The following AACS variants were observed in gnomAD, a reference collection of about 807,000 sequenced individuals.
The protein encoded by AACS is acetoacetate-CoA ligase.
In AACS, 69 loss-of-function variants were observed where a neutral mutation model predicts 83.1. That is an observed-to-expected ratio of 0.83 (90% CI 0.68 to 1.01). AACS has a LOEUF of 1.01. Ranked by LOEUF, AACS falls within the 50% of genes least tolerant of loss-of-function variation. The pLI is 0.00. For synonymous variants in AACS, 333 were observed against 343.4 expected (o/e 0.97, Z 0.33); for missense variants, 866 against 882.2 (o/e 0.98, Z 0.23).
chr12:125,128,877 G>A (rs1270317119), intron 13 of AACS: 1 of 154,528 alleles, frequency 6.5e-6, no homozygotes, highest in Non-Finnish European at 1.4e-5. Flanking sequence ...TTGAGAGGAA[G>A]AAACTCTGTG....
At chr12:125,116,754 C>T (rs759011856) in intron 9 of AACS, among the ~76,000 whole-genome samples, 43 of 152,124 alleles carry the variant, frequency 2.8e-4, no homozygotes, top group African/African-American at 9.4e-4. Context: ...CATGAGCCAC[C>T]GCGCCCGGCC....
rs764519987 is a variant in AACS at position 125,091,429 on chromosome 12, A to C, written c.476A>C (p.Tyr159Ser). The C allele has an allele frequency of 7.4e-6, 12 of 1,614,034 alleles. No homozygotes were observed. The African/African-American group carries it at 1.6e-4, about 22-fold the overall frequency. ...TCTTCCTATGTTTTCTCCACAGGTTATTTACCCAACAGTGAGCACGCTGTC... is the reference window on the plus strand; with the variant it reads ...TCTTCCTATGTTTTCTCCACAGGTTCTTTACCCAACAGTGAGCACGCTGTC... ...GVKKGDRVVG[Y>S]LPNSEHAVEA... The change falls in exon 5 of 18, where the codon TAT becomes TCT. Residue 159 changes from tyrosine to serine, a missense_variant. Tyr to Ser is a moderately radical substitution (Grantham distance 144, BLOSUM62 -2). Transcript: ENST00000316519.
chr12:125,134,537 A>G (rs1041263303), intron 15 of AACS, among the ~76,000 whole-genome samples: 6 of 152,140 alleles, frequency 3.9e-5, no homozygotes, highest in Non-Finnish European at 7.4e-5. Flanking sequence ...AGCAGTGTCC[A>G]CACCTGCAAT....
intron 10 of AACS, among the ~76,000 whole-genome samples, chr12:125,119,687 C>T (rs1295166877): frequency 6.6e-6 from 1 of 152,198 alleles, no homozygotes; most frequent in Non-Finnish European, 1.5e-5. Context: ...CCCACTGGGT[C>T]CCTCGTACGA....
rs543028235 is a variant in AACS at position 125,134,105 on chromosome 12, G to C, written c.1619+33G>C. On this transcript the variant is annotated intron_variant, in intron 15 of 17. Transcript: ENST00000316519. The stretch of plus-strand genomic sequence containing the variant: ...CTGCAGAGTCGGCTTCTCTTTCCTG[G>C]AGCCCCACCTTCCAGAGGCATGGGG... 1.7e-4 allele frequency: 277 copies of C among 1,607,532 alleles called. 2 individuals carry two copies. The South Asian group carries it at 2.9e-3, about 17-fold the overall frequency.
chr12:125,096,141 T>G (rs1012829521), intron 5 of AACS, among the ~76,000 whole-genome samples: 6 of 152,178 alleles, frequency 3.9e-5, no homozygotes, highest in Non-Finnish European at 8.8e-5. Flanking sequence ...ATTTTTTGTA[T>G]TTTTAGTAGA....
intron 15 of AACS, 57 bp downstream of exon 15, chr12:125,134,129 G>A: frequency 6.4e-7 from 1 of 1,571,156 alleles, no homozygotes; most frequent in Non-Finnish European, 8.7e-7. Flanking sequence ...AGAGGCATGG[G>A]GGTGGGAGAG....
chr12:125,104,272 G>T (rs1001951419), intron 7 of AACS, among the ~76,000 whole-genome samples: 4 of 152,184 alleles, frequency 2.6e-5, no homozygotes, highest in African/African-American at 9.6e-5. Context: ...TGTAAACATG[G>T]CAGGGTGTCT....
chr12:125,070,402 G>A (rs1012963690), intron 1 of AACS, among the ~76,000 whole-genome samples: 1 of 152,144 alleles, frequency 6.6e-6, no homozygotes, highest in South Asian at 2.1e-4. Context: ...GGGCAGCAGG[G>A]GCAAGAGGAT....
chr12:125,099,534 C>T (rs565169575), intron 5 of AACS, among the ~76,000 whole-genome samples: 3 of 152,302 alleles, frequency 2.0e-5, no homozygotes, highest in South Asian at 4.1e-4. Flanking sequence ...CATGCTTCAG[C>T]TTAGTCACCT....
intron 8 of AACS, 100 bp downstream of exon 8, chr12:125,107,368 C>G: frequency 6.8e-7 from 1 of 1,476,226 alleles, no homozygotes; most frequent in East Asian, 2.3e-5. Context: ...TCAAACTGCA[C>G]CCCATCCCCG....
rs1956997204 is a variant in AACS at position 125,113,787 on chromosome 12, G to A, written c.916-690G>A. On this transcript the variant is annotated intron_variant, in intron 8 of 17. Coordinates refer to ENST00000316519, the MANE Select transcript of AACS (RefSeq NM_023928.5). The surrounding 1 kb of genome is among the most constrained non-coding windows in gnomAD (Gnocchi z 4.8). ...ACCGGCTGCCTCTTGGGAGAACTGG[G>A]TACAGGACAGGGAGAGAGGACGGCT... is the stretch of plus-strand genomic sequence containing the variant. Among the ~76,000 whole-genome samples, 1 of 152,176 alleles carries A rather than the reference G, an allele frequency of 6.6e-6. No homozygotes were observed. The highest frequency in any genetic ancestry group is 2.1e-4 in the South Asian group (1 of 4,828).
intron 14 of AACS, among the ~76,000 whole-genome samples, chr12:125,132,258 A>C (rs1235653468): frequency 6.6e-6 from 1 of 152,234 alleles, no homozygotes; most frequent in Non-Finnish European, 1.5e-5. Context: ...TTTTCACAAA[A>C]AACATTTCTT....
intron 14 of AACS, among the ~76,000 whole-genome samples, chr12:125,133,359 GTGCAGGCCTTCTCTGAACAGC>G (rs1245589127): frequency 5.9e-5 from 9 of 152,188 alleles, no homozygotes; most frequent in Non-Finnish European, 1.5e-5. Context: ...CCACCCCAGC[GTGCAGGCCTTCTCTGAACAGC>G]TGCACATGAG....
intron 5 of AACS, among the ~76,000 whole-genome samples, chr12:125,100,350 C>CT (rs1281225656): frequency 1.3e-5 from 2 of 152,220 alleles, no homozygotes; most frequent in African/African-American, 4.8e-5. Context: ...TTCCTTCTCT[C>CT]TTTTTCTTTC....
Position 125,097,722 on chromosome 12 carries a change from G to C in AACS, c.571-4957G>C, listed in dbSNP as rs533184486. ...GTCAGCACTGGCGGGGCTGCCAGAA[G>C]TTCTCAAGACTCAGTGAGCCCCAGA... is the stretch of plus-strand genomic sequence containing the variant. On this transcript the variant is annotated intron_variant, in intron 5 of 17. Transcript: ENST00000316519. The surrounding 1 kb of genome is among the most constrained non-coding windows in gnomAD (Gnocchi z 4.3). 7.2e-5 allele frequency among the ~76,000 whole-genome samples: 11 copies of C among 152,146 alleles called. No individual in the cohort carries two copies. The highest frequency in any genetic ancestry group is 1.6e-4 in the Non-Finnish European group (11 of 68,024).
At chr12:125,136,521 G>A (rs1273618525) in intron 16 of AACS, 141 bp from the exon 17 acceptor site, 2 of 642,148 alleles carry the variant, frequency 3.1e-6, no homozygotes, top group Non-Finnish European at 5.4e-6. Flanking sequence ...CCCTTCTCCT[G>A]GGTGGACTGG....
intron 7 of AACS, among the ~76,000 whole-genome samples, chr12:125,103,308 C>CA (rs1262555954): frequency 6.6e-6 from 1 of 152,234 alleles, no homozygotes; most frequent in Non-Finnish European, 1.5e-5. Context: ...CAGGCACCCT[C>CA]ACTCTTCCAA....
At chr12:125,103,204 G>C (rs755984254) in intron 7 of AACS, 123 bp downstream of exon 7, 6 of 783,326 alleles carry the variant, frequency 7.7e-6, no homozygotes, top group Non-Finnish European at 1.2e-5. Context: ...GGAGGTTTTA[G>C]TTAAAAGCAT....
Sources: allele counts gnomAD v4.1 joint callset (sites outside exome capture counted in the v4.1 genomes callset), GRCh38; gene constraint gnomAD v4.1.1; non-coding constraint Gnocchi (gnomAD v3.1); transcripts MANE v1.5; gene names NCBI Gene and HGNC (gene_info 2026-07-23, HGNC 2026-07-21).